The following QTGAL variants were observed in gnomAD, a reference collection of about 807,000 sequenced individuals.
QTGAL encodes the protein queuosine-tRNA galactosyltransferase, also known as BGnT-like protein 1.
At chr17:83,035,562 G>A in the QTGAL span, among the ~76,000 whole-genome samples, 1 of 149,290 alleles carries the variant, frequency 6.7e-6, no homozygotes, top group East Asian at 1.9e-4. Context: ...AAGTCAGAGA[G>A]AGACAATATT....
chr17:82,949,534 T>C, the QTGAL span: 1 of 152,150 alleles, frequency 6.6e-6, no homozygotes, highest in East Asian at 1.9e-4. Context: ...GGGAGCCTGA[T>C]GCGGCCTCGG....
At chr17:82,990,167 A>G in the QTGAL span, among the ~76,000 whole-genome samples, 1 of 152,244 alleles carries the variant, frequency 6.6e-6, no homozygotes, top group Non-Finnish European at 1.5e-5. Flanking sequence ...TGCATTCTGC[A>G]TGCCCTCTTG....
At chr17:82,972,722 T>C in the QTGAL span, among the ~76,000 whole-genome samples, 3 of 119,202 alleles carry the variant, frequency 2.5e-5, no homozygotes, top group African/African-American at 8.2e-5. Flanking sequence ...GACCTGGTAC[T>C]GACCACACCA....
At chr17:82,945,832 T>C in the QTGAL span, 1 of 152,210 alleles carries the variant, frequency 6.6e-6, no homozygotes, top group African/African-American at 2.4e-5. Flanking sequence ...GGATAAACTT[T>C]AGGCAGGAGG....
At chr17:82,972,223 AC>A in the QTGAL span, among the ~76,000 whole-genome samples, 5 of 83,738 alleles carry the variant, frequency 6.0e-5, no homozygotes, top group South Asian at 2.6e-3. Context: ...CCTGGTGCCG[AC>A]CACACCACAC....
the QTGAL span, among the ~76,000 whole-genome samples, chr17:82,950,638 A>G: frequency 6.6e-6 from 1 of 152,214 alleles, no homozygotes; most frequent in African/African-American, 2.4e-5. Flanking sequence ...CTACGGCCTT[A>G]GAAAACGTCT....
At chr17:82,998,361 T>G in the QTGAL span, among the ~76,000 whole-genome samples, 2 of 152,234 alleles carry the variant, frequency 1.3e-5, no homozygotes, top group Non-Finnish European at 1.5e-5. Context: ...TTTGTTTTGT[T>G]TTGAGACGGA....
At chr17:82,942,633 G>C in the QTGAL span, 2 of 756,822 alleles carry the variant, frequency 2.6e-6, no homozygotes, top group Admixed American at 5.3e-5. Context: ...CCTGCGCTCT[G>C]GTGACTTGGG....
At chr17:82,984,112 G>A in the QTGAL span, among the ~76,000 whole-genome samples, 1 of 122,920 alleles carries the variant, frequency 8.1e-6, no homozygotes, top group Non-Finnish European at 1.7e-5. Flanking sequence ...GATCATGTGA[G>A]CACATGGGGG....
chr17:83,041,600 C>T, the QTGAL span, among the ~76,000 whole-genome samples: 1 of 152,208 alleles, frequency 6.6e-6, no homozygotes, highest in Non-Finnish European at 1.5e-5. Flanking sequence ...CACAGATGCT[C>T]CTCAACTGAG....
At chr17:82,946,580 G>GTGTGTGTGTGTGTGTGTGTGTA in the QTGAL span, among the ~76,000 whole-genome samples, 5 of 152,056 alleles carry the variant, frequency 3.3e-5, no homozygotes, top group African/African-American at 1.2e-4. Context: ...GTGTGTGTGT[G>GTGTGTGTGTGTGTGTGTGTGTA]TGTGTACACA....
chr17:83,004,831 C>T, the QTGAL span, among the ~76,000 whole-genome samples: 12 of 152,050 alleles, frequency 7.9e-5, no homozygotes, highest in African/African-American at 2.7e-4. Flanking sequence ...GATTACTGAG[C>T]TCACCCTCCC....
At chr17:82,963,421 C>G in the QTGAL span, among the ~76,000 whole-genome samples, 1 of 152,118 alleles carries the variant, frequency 6.6e-6, no homozygotes, top group South Asian at 2.1e-4. Flanking sequence ...GATTGGAGTC[C>G]GCGGAACGCA....
At chr17:82,961,244 C>G in the QTGAL span, 2 of 1,560,960 alleles carry the variant, frequency 1.3e-6, no homozygotes, top group Non-Finnish European at 1.7e-6. Flanking sequence ...GCCCCGGATG[C>G]ACACTACACC....
chr17:82,994,045 T>TAC, the QTGAL span, among the ~76,000 whole-genome samples: 1 of 152,014 alleles, frequency 6.6e-6, no homozygotes, highest in African/African-American at 2.4e-5. Context: ...TATAAGTGTC[T>TAC]ACATCAAAAA....
At chr17:83,040,964 G>C in the QTGAL span, among the ~76,000 whole-genome samples, 3 of 152,062 alleles carry the variant, frequency 2.0e-5, no homozygotes, top group Middle Eastern at 0.01. Context: ...TACTTGGGAG[G>C]CTGAGGCAGG....
chr17:82,975,789 A>G, the QTGAL span, among the ~76,000 whole-genome samples: 1 of 111,236 alleles, frequency 9.0e-6, no homozygotes, highest in Non-Finnish European at 1.8e-5. Context: ...GCCCCGGGAC[A>G]GAGCCGGACT....
chr17:82,960,016 A>G, the QTGAL span, among the ~76,000 whole-genome samples: 1 of 152,186 alleles, frequency 6.6e-6, no homozygotes, highest in East Asian at 1.9e-4. Context: ...TTTTTCCCAA[A>G]AGCACAAGAC....
the QTGAL span, among the ~76,000 whole-genome samples, chr17:83,032,671 T>C: frequency 6.6e-6 from 1 of 152,168 alleles, no homozygotes; most frequent in Non-Finnish European, 1.5e-5. Context: ...GGATGGACCA[T>C]CTGAGCATGA....
Sources: allele counts gnomAD v4.1 joint callset (sites outside exome capture counted in the v4.1 genomes callset), GRCh38; gene constraint gnomAD v4.1.1; transcripts MANE v1.5; gene names NCBI Gene and HGNC (gene_info 2026-07-23, HGNC 2026-07-21).